Variants in CD209 observed in about 807,000 individuals in gnomAD.
CD209 encodes the protein CD209 antigen.
In CD209, 31 loss-of-function variants were observed where a neutral mutation model predicts 44.7. That is an observed-to-expected ratio of 0.69 (90% confidence interval 0.52 to 0.94). CD209 has a LOEUF of 0.94. Ranked by LOEUF, CD209 falls within the 40% of genes least tolerant of loss-of-function variation. The probability of loss-of-function intolerance (pLI) is 0.00; values close to 1 mark genes in which losing one functional copy is unlikely to be tolerated. For synonymous variants in CD209, 173 were observed against 181.3 expected, an observed-to-expected ratio of 0.95 and a Z score of 0.37; for missense variants, 407 against 452.4, an observed-to-expected ratio of 0.90 and a Z score of 0.91.
intron 5 of CD209, 132 bp from the exon 6 acceptor site, chr19:7,744,351 C>A: frequency 1.5e-6 from 1 of 667,034 alleles, no homozygotes; most frequent in East Asian, 2.7e-5. Flanking sequence ...CCTGAGCCCC[C>A]TCGTGTCTGA....
In CD209 at chr19:7,744,956, T is replaced by C. The variant is rs774621010; in HGVS notation, c.885A>G (p.Lys295=). The C allele has an allele frequency of 3.1e-6, 5 of 1,614,214 alleles. No individual in the cohort carries two copies. The highest frequency in any genetic ancestry group is 3.4e-6 in the Non-Finnish European group (4 of 1,180,022). ...KEVGAQLVVI[K]SAEEQNFLQL... is the part of the protein sequence containing the mutation. ...CCAGGTGTACCTGCTCCTCAGCACT[T>C]TTGATTACGACGAGCTGGGCCCCCA... Residue 295 remains lysine, a synonymous_variant, in exon 5 of 7, where the codon AAA becomes AAG. Coordinates refer to ENST00000315599, the MANE Select transcript of CD209 (RefSeq NM_021155.4).
At chr19:7,747,186 C>G in intron 2 of CD209, 120 bp downstream of exon 2, 2 of 1,029,610 alleles carry the variant, frequency 1.9e-6, no homozygotes, top group South Asian at 1.5e-5. Context: ...TCCCAGGAGT[C>G]CAGGCCCCTA....
Position 7,743,243 on chromosome 19 carries a change from G to T in CD209, c.1014-3C>A. 1.2e-6 allele frequency: 2 copies of T among 1,613,178 alleles called. No homozygotes were observed. Among genetic ancestry groups the T allele is most frequent in the Non-Finnish European group, 1.7e-6 (2 of 1,179,164 alleles). On this transcript the variant is annotated splice_polypyrimidine_tract_variant and splice_region_variant and intron_variant, in intron 6 of 6. Transcript: ENST00000315599. ...CTCTGTTCCAATACTGCTTGAAGCT[G>T]CAAAGCCCATGCGGAATGTGAGCCT...
chr19:7,746,554 G>A (rs749380919), intron 2 of CD209, 23 bp from the exon 3 acceptor site: 2 of 1,610,948 alleles, frequency 1.2e-6, no homozygotes, highest in Non-Finnish European at 1.7e-6. Context: ...ACATGCGTCA[G>A]CCTGCCAGTG....
At position 7,743,150 on chromosome 19, in the gene CD209, T is replaced by G. The variant is rs149318064; in HGVS notation, c.1104A>C (p.Lys368Asn). The change falls in exon 7 of 7, where the codon AAA becomes AAC. Residue 368 changes from lysine (K) to asparagine (N), a missense_variant. Transcript: ENST00000315599. ...AGATCCAGAATTTGGCAAGATTACA[T>G]TTGTCGTCGTTCCAGCCATTGCCAC... ...EFSGNGWNDDKCNLAKFWICK... is the reference protein window; with the variant it reads ...EFSGNGWNDDNCNLAKFWICK... 6.2e-7 allele frequency: 1 copy of G among 1,614,146 alleles called. No homozygotes were observed. The highest frequency in any genetic ancestry group is 8.5e-7 in the Non-Finnish European group (1 of 1,179,994).
chr19:7,741,915 A>G lies in CD209; in HGVS notation c.*1124T>C. 1 of 429,510 alleles carries G rather than the reference A, an allele frequency of 2.3e-6. No individual in the cohort carries two copies. The highest frequency in any genetic ancestry group is 4.6e-6 in the Non-Finnish European group (1 of 218,292). The allele number at this position is 429,510 out of a possible 1,614,324, so 26.6% of individuals were successfully genotyped here. ...GACCATTCCTACAAAAGAAATGGGG[A>G]ATCCGAAAGGAAAAGGAAGAAATCT... On this transcript the variant is annotated 3_prime_UTR_variant, in exon 7 of 7. Coordinates refer to ENST00000315599, the MANE Select transcript of CD209 (RefSeq NM_021155.4).
rs1568512419 is a variant in CD209 at position 7,745,028 on chromosome 19, A to C, written c.813T>G (p.Ser271=). ...AGTCGTGCCAGTTCCGCTGGGAGTTAGACATGAAGTAACAGTTTCCTTGGA... is the reference window on the plus strand; with the variant it reads ...AGTCGTGCCAGTTCCGCTGGGAGTTCGACATGAAGTAACAGTTTCCTTGGA... The part of the protein sequence containing the change: ...TFFQGNCYFM[S]NSQRNWHDSI... The change falls in exon 5 of 7, where the codon TCT becomes TCG. Residue 271 remains serine, a synonymous_variant. Transcript: ENST00000315599. 1.2e-6 allele frequency: 2 copies of C among 1,614,222 alleles called. No homozygotes were observed. Among genetic ancestry groups the C allele is most frequent in the Non-Finnish European group, 8.5e-7 (1 of 1,180,050 alleles).
At chr19:7,744,763 T>A (rs868000024) in intron 5 of CD209, among the ~76,000 whole-genome samples, 178 bp downstream of exon 5, 55 of 152,238 alleles carry the variant, frequency 3.6e-4, no homozygotes, top group African/African-American at 1.2e-3. Context: ...TCACACATGT[T>A]CAGATTTGGT....
rs191503190 is a variant in CD209, at chr19:7,740,493, C to T, written c.*2546G>A. On this transcript the variant is annotated 3_prime_UTR_variant, in exon 7 of 7. Transcript: ENST00000315599. Reference sequence around the variant, plus strand: ...CGAAAAGGTGACATTTCCAGAGAAACCAAGCCACAAAAAGTACAGGGCCGC... The same window carrying T: ...CGAAAAGGTGACATTTCCAGAGAAATCAAGCCACAAAAAGTACAGGGCCGC... The T allele has an allele frequency of 5.9e-5, 63 of 1,066,942 alleles. No homozygotes were observed. In the East Asian group the frequency reaches 1.5e-3, roughly 25 times the overall value. The allele number at this position is 1,066,942 out of a possible 1,614,324, so 66.1% of individuals were successfully genotyped here.
At position 7,741,138 on chromosome 19, in the gene CD209, G is replaced by C. The variant is rs2033597054; in HGVS notation, c.*1901C>G. The C allele has an allele frequency of 5.6e-6, 6 of 1,076,940 alleles. No individual in the cohort carries two copies. The highest frequency in any genetic ancestry group is 2.7e-6 in the Non-Finnish European group (2 of 740,236). 66.7% of individuals were successfully genotyped at this position (1,076,940 alleles called of 1,614,324 possible). A position where few individuals can be genotyped will look rare whatever the true frequency, so the allele number is the denominator to read the frequency against. On this transcript the variant is annotated 3_prime_UTR_variant, in exon 7 of 7. Coordinates refer to ENST00000315599, the MANE Select transcript of CD209 (RefSeq NM_021155.4). ...ACAGCGAGGAAGAAACCTACCAACAGTTCCTAGATTTCTGTGAGGATGTGC... is the reference window on the plus strand; with the variant it reads ...ACAGCGAGGAAGAAACCTACCAACACTTCCTAGATTTCTGTGAGGATGTGC...
chr19:7,746,065 T>G lies in CD209; in HGVS notation c.201A>C (p.Ile67=). The G allele has an allele frequency of 6.2e-7, 1 of 1,614,210 alleles. No homozygotes were observed. Among genetic ancestry groups the G allele is most frequent in the Non-Finnish European group, 8.5e-7 (1 of 1,180,032 alleles). ...LVQVSKVPSS[I]SQEQSRQDAI... is the part of the protein sequence containing the mutation. ...CGTCTTGCCTGGATTGTTCCTGACT[T>G]ATGGAGCTGGGGACCTTGGACACTG... is the stretch of plus-strand genomic sequence containing the variant. Residue 67 remains isoleucine (I), a synonymous_variant, in exon 4 of 7, where the codon ATA becomes ATC. Coordinates refer to ENST00000315599, the MANE Select transcript of CD209 (RefSeq NM_021155.4).
At chr19:7,743,360 C>T (rs2033680814) in intron 6 of CD209, 120 bp from the exon 7 acceptor site, 1 of 831,662 alleles carries the variant, frequency 1.2e-6, no homozygotes, top group Admixed American at 1.9e-5. Flanking sequence ...GACTTGAATC[C>T]CTCTGCATAC....
At position 7,744,524 on chromosome 19, in the gene CD209, T is replaced by C. The variant is rs554152802; in HGVS notation, c.901-305A>G. On this transcript the variant is annotated intron_variant, in intron 5 of 6. Transcript: ENST00000315599. ...TTACTCATAACTGGGCTTAATGTGT[T>C]GGAGCCAGAGGCAACCATTTCCTAA... Among the ~76,000 whole-genome samples the C allele has an allele frequency of 2.0e-5, 3 of 152,360 alleles. No individual in the cohort carries two copies. The East Asian group carries it at 5.8e-4, about 29-fold the overall frequency.
At position 7,741,827 on chromosome 19, in the gene CD209, G is replaced by A. The variant is rs2033624469; in HGVS notation, c.*1212C>T. ...CCTCCTTTGGCAAGAGCTCCAAGGG[G>A]AGAGAGAGGGTGGGCCACCACGATG... On this transcript the variant is annotated 3_prime_UTR_variant, in exon 7 of 7. Transcript: ENST00000315599. 2.0e-6 allele frequency: 1 copy of A among 498,264 alleles called. No homozygotes were observed. The highest frequency in any genetic ancestry group is 2.5e-5 in the Admixed American group (1 of 39,816). The allele number at this position is 498,264 out of a possible 1,614,324, so 30.9% of individuals were successfully genotyped here.
Position 7,744,089 on chromosome 19 carries a change from G to C in CD209, c.1013+18C>G. 1 of 1,572,230 alleles carries C rather than the reference G, an allele frequency of 6.4e-7. No homozygotes were observed. Among genetic ancestry groups the C allele is most frequent in the Non-Finnish European group, 8.8e-7 (1 of 1,141,936 alleles). ...CAATTCCAGCCCCAGTGGATAGGGT[G>C]CCCCTTCTGAGATCTACCTGGGCAA... On this transcript the variant is annotated intron_variant, in intron 6 of 6. Transcript: ENST00000315599.
In CD209 at chr19:7,740,455, A is replaced by C. The variant is rs2033575466; in HGVS notation, c.*2584T>G. ...CTAGAGGGGCGGGGCGGTGCCGGCAAGATGGCTGCGCCCGAAAAGGTGACA... is the reference window on the plus strand; with the variant it reads ...CTAGAGGGGCGGGGCGGTGCCGGCACGATGGCTGCGCCCGAAAAGGTGACA... On this transcript the variant is annotated 3_prime_UTR_variant, in exon 7 of 7. Coordinates refer to ENST00000315599, the MANE Select transcript of CD209 (RefSeq NM_021155.4). 1 of 768,644 alleles carries C rather than the reference A, an allele frequency of 1.3e-6. No individual in the cohort carries two copies. The highest frequency in any genetic ancestry group is 1.4e-5 in the South Asian group (1 of 70,478). The allele number at this position is 768,644 out of a possible 1,614,324, so 47.6% of individuals were successfully genotyped here.
At position 7,741,025 on chromosome 19, in the gene CD209, C is replaced by T. The variant is rs1266519041; in HGVS notation, c.*2014G>A. 15 of 743,396 alleles carry T rather than the reference C, an allele frequency of 2.0e-5. No homozygotes were observed. The highest frequency in any genetic ancestry group is 4.9e-4 in the Middle Eastern group (2 of 4,072). The allele number at this position is 743,396 out of a possible 1,614,324, so 46.0% of individuals were successfully genotyped here. On this transcript the variant is annotated 3_prime_UTR_variant, in exon 7 of 7. Transcript: ENST00000315599. ...TTCACATGATTTCCCAACATCCAGTCCTACCCTTCTTATTAAAAGCATGTT... is the reference window on the plus strand; with the variant it reads ...TTCACATGATTTCCCAACATCCAGTTCTACCCTTCTTATTAAAAGCATGTT...
rs374903130 is a variant in CD209 at position 7,747,289 on chromosome 19, T to C, written c.106+17A>G. On this transcript the variant is annotated intron_variant, in intron 2 of 6. Coordinates refer to ENST00000315599, the MANE Select transcript of CD209 (RefSeq NM_021155.4). Reference sequence around the variant, plus strand: ...GAGTCTCTCGTCTCTCCTCCCAAACTGCTAAGTCCTCTCTACCTGCTAAGC... The same window carrying C: ...GAGTCTCTCGTCTCTCCTCCCAAACCGCTAAGTCCTCTCTACCTGCTAAGC... 6.8e-6 allele frequency: 11 copies of C among 1,613,976 alleles called. No homozygotes were observed. The highest frequency in any genetic ancestry group is 9.3e-6 in the Non-Finnish European group (11 of 1,179,942).
Position 7,747,294 on chromosome 19 carries a change from A to G in CD209, c.106+12T>C. Reference sequence around the variant, plus strand: ...TCTCGTCTCTCCTCCCAAACTGCTAAGTCCTCTCTACCTGCTAAGCTCTTG... The same window carrying G: ...TCTCGTCTCTCCTCCCAAACTGCTAGGTCCTCTCTACCTGCTAAGCTCTTG... On this transcript the variant is annotated intron_variant, in intron 2 of 6. Coordinates refer to ENST00000315599, the MANE Select transcript of CD209 (RefSeq NM_021155.4). The G allele has an allele frequency of 6.2e-7, 1 of 1,614,132 alleles. No individual in the cohort carries two copies. The highest frequency in any genetic ancestry group is 2.2e-5 in the East Asian group (1 of 44,880).
Sources: gnomAD v4.1 joint callset for allele counts (sites outside exome capture counted in the v4.1 genomes callset) on GRCh38, gnomAD v4.1.1 for gene constraint, MANE v1.5 for transcripts, NCBI Gene and HGNC (gene_info 2026-07-23, HGNC 2026-07-21) for gene names.